Variants in POMT2 observed in about 807,000 individuals in gnomAD.
POMT2 encodes the protein protein O-mannosyl-transferase 2.
A neutral mutation model predicts 100.0 loss-of-function variants in POMT2; 75 were observed. That is an observed-to-expected ratio of 0.75 (90% CI 0.62 to 0.91). The LOEUF is 0.91. Ranked by LOEUF, POMT2 falls within the 40% of genes least tolerant of loss-of-function variation. The pLI, the probability that POMT2 is intolerant of heterozygous loss-of-function variation, is 0.00. For synonymous variants in POMT2, 378 were observed against 374.1 expected (o/e 1.01, Z -0.12); for missense variants, 940 against 955.1 (o/e 0.98, Z 0.21).
At chr14:77,293,835 C>T (rs1415007680) in intron 9 of POMT2, among the ~76,000 whole-genome samples, 1 of 152,212 alleles carries the variant, frequency 6.6e-6, no homozygotes, top group East Asian at 1.9e-4. Flanking sequence ...AGAGTTTGGC[C>T]TTTCTCTCCC....
chr14:77,320,592 G>C lies in POMT2; in HGVS notation c.90C>G (p.Gly30=), dbSNP rs923004188. 2 of 1,582,500 alleles carry C rather than the reference G, an allele frequency of 1.3e-6. No homozygotes were observed. Among genetic ancestry groups the C allele is most frequent in the Non-Finnish European group, 1.7e-6 (2 of 1,171,810 alleles). The change falls in exon 1 of 21, where the codon GGC becomes GGG. Residue 30 remains glycine, a synonymous_variant. Transcript: ENST00000261534. ...CCACAGCCTCAGCGGCCACGTCCCG[G>C]CCTGCGGCCCTAGCAGCCTGGGGGC... ...RCGPQAARAA[G]RDVAAEAVAR...
Position 77,285,487 on chromosome 14 carries a change from G to C in POMT2, c.1478C>G (p.Pro493Arg), listed in dbSNP as rs727503874. 2 of 1,613,982 alleles carry C rather than the reference G, an allele frequency of 1.2e-6. No homozygotes were observed. The highest frequency in any genetic ancestry group is 8.5e-7 in the Non-Finnish European group (1 of 1,179,972). ...CVLGSSGKVL[P>R]KWGWEQLEVT... ...CAAAACCCTAGAGACTTACCACTTG[G>C]GCAGAACCTTTCCCGAGGAGCCCAG... is the stretch of plus-strand genomic sequence containing the variant. Residue 493 changes from proline (P) to arginine (R), a missense_variant, in exon 13 of 21, where the codon CCC (proline) becomes CGC (arginine). Coordinates refer to ENST00000261534, the MANE Select transcript of POMT2 (RefSeq NM_013382.7).
At chr14:77,280,130 C>T (rs1156674834) in intron 16 of POMT2, 50 bp from the exon 17 acceptor site, 2 of 1,613,058 alleles carry the variant, frequency 1.2e-6, no homozygotes, top group Middle Eastern at 1.7e-4. Flanking sequence ...CATCCTCGGC[C>T]ACACCCATTA....
In POMT2 at chr14:77,320,417, T is replaced by A; in HGVS notation, c.248+17A>T. 6.5e-7 allele frequency: 1 copy of A among 1,545,746 alleles called. No homozygotes were observed. ...CGCGGTTGCCATGGTGCCCGCCGAG[T>A]CCCTCCCATCACTCACCAGATGTGC... On this transcript the variant is annotated intron_variant, in intron 1 of 20. Transcript: ENST00000261534.
chr14:77,317,861 T>C (rs1891685992), intron 1 of POMT2, among the ~76,000 whole-genome samples: 1 of 152,254 alleles, frequency 6.6e-6, no homozygotes, highest in South Asian at 2.1e-4. Flanking sequence ...GTTCAGTCAC[T>C]AGATTGTCTT....
chr14:77,292,771 A>G (rs1180062711), intron 9 of POMT2, among the ~76,000 whole-genome samples: 1 of 152,212 alleles, frequency 6.6e-6, no homozygotes, highest in African/African-American at 2.4e-5. Flanking sequence ...AATACTTACC[A>G]TTGTGTTCCA....
rs1446019788 is a variant in POMT2, at chr14:77,304,706, G to T, written c.533C>A (p.Ala178Asp). 6.3e-7 allele frequency: 1 copy of T among 1,589,922 alleles called. No individual in the cohort carries two copies. The highest frequency in any genetic ancestry group is 1.8e-5 in the Admixed American group (1 of 55,626). ...AGACAACTTACCAAAGGTGAGGAGG[G>T]CAGCTGTGAGCAGTGCTGCCGAGAG... ...KSLSAALLTA[A>D]LLTFDTGCLT... The change falls in exon 4 of 21, where the codon GCC becomes GAC. Residue 178 changes from alanine to aspartate, a missense_variant. By Grantham distance (126) the Ala-to-Asp change is moderately radical. Transcript: ENST00000261534.
At chr14:77,300,120 G>C (rs948680787) in intron 6 of POMT2, 1 of 180,664 alleles carries the variant, frequency 5.5e-6, no homozygotes, top group Non-Finnish European at 1.2e-5. Context: ...ATATTCATCT[G>C]TATATTCCAG....
chr14:77,285,904 T>C (rs953869541), intron 12 of POMT2, among the ~76,000 whole-genome samples: 12 of 152,152 alleles, frequency 7.9e-5, no homozygotes, highest in Non-Finnish European at 1.0e-4. Context: ...TTCATAGAAC[T>C]AGAGTTCAAG....
At chr14:77,285,100 A>T in intron 13 of POMT2, 59 bp from the exon 14 acceptor site, 17 of 1,375,296 alleles carry the variant, frequency 1.2e-5, no homozygotes, top group Middle Eastern at 1.8e-4. Context: ...CCAGAGAGTG[A>T]CACTGTCTTC....
intron 15 of POMT2, among the ~76,000 whole-genome samples, chr14:77,283,563 G>A (rs531743063): frequency 7.2e-5 from 11 of 152,304 alleles, no homozygotes; most frequent in South Asian, 2.1e-4. Context: ...AGTGCTTAGC[G>A]TAGTGCCTGG....
intron 9 of POMT2, among the ~76,000 whole-genome samples, chr14:77,295,399 G>GAGGCAGGTGGATCATGAGGTC (rs1426127931): frequency 1.3e-5 from 2 of 152,062 alleles, no homozygotes; most frequent in East Asian, 3.9e-4. Flanking sequence ...TTGGGAGGCC[G>GAGGCAGGTGGATCATGAGGTC]AGGCAGGTGG....
Position 77,301,154 on chromosome 14 carries a change from A to C in POMT2, c.752T>G (p.Leu251Arg). 6.2e-7 allele frequency: 1 copy of C among 1,614,252 alleles called. No homozygotes were observed. The highest frequency in any genetic ancestry group is 8.5e-7 in the Non-Finnish European group (1 of 1,180,046). The change falls in exon 6 of 21, where the codon CTT becomes CGT. Residue 251 changes from leucine (L) to arginine (R), a missense_variant. Coordinates refer to ENST00000261534, the MANE Select transcript of POMT2 (RefSeq NM_013382.7). Reference protein sequence around the residue: ...GVKFVGLFIILQVGLNTIADL... With the variant: ...GVKFVGLFIIRQVGLNTIADL... ...TGCAATGGTGTTCAGCCCCACTTGA[A>C]GGATGATAAAGAGGCCAACAAACTT...
chr14:77,315,875 T>G (rs1891604936), intron 1 of POMT2, among the ~76,000 whole-genome samples: 1 of 152,064 alleles, frequency 6.6e-6, no homozygotes, highest in Non-Finnish European at 1.5e-5. Context: ...TAGCCAGGCG[T>G]GATAGGGGCG....
At chr14:77,309,147 A>C (rs951212236) in intron 2 of POMT2, among the ~76,000 whole-genome samples, 2 of 152,260 alleles carry the variant, frequency 1.3e-5, no homozygotes, top group African/African-American at 4.8e-5. Flanking sequence ...TCATGTGTAC[A>C]TATATAAAAA....
chr14:77,308,662 G>A, intron 2 of POMT2: 1 of 385,020 alleles, frequency 2.6e-6, no homozygotes, highest in Non-Finnish European at 5.1e-6. Context: ...GGCCAACAAA[G>A]TTTTTAAAGT....
At chr14:77,294,359 T>C (rs373888719) in intron 9 of POMT2, among the ~76,000 whole-genome samples, 16 of 152,200 alleles carry the variant, frequency 1.1e-4, no homozygotes, top group African/African-American at 3.6e-4. Flanking sequence ...TCTCACTCTT[T>C]TGCCTGGGCT....
chr14:77,300,555 C>T (rs964300419), intron 6 of POMT2: 1 of 165,738 alleles, frequency 6.0e-6, no homozygotes, highest in Admixed American at 5.7e-5. Context: ...CTCGGTGGCT[C>T]ATGCCTGTAA....
At chr14:77,287,828 T>C (rs1178199911) in intron 11 of POMT2, 1 of 152,172 alleles carries the variant, frequency 6.6e-6, no homozygotes, top group Non-Finnish European at 1.5e-5. Context: ...TAGGATCATG[T>C]TCATTTAAAT....
Sources: allele counts gnomAD v4.1 joint callset (sites outside exome capture counted in the v4.1 genomes callset), GRCh38; gene constraint gnomAD v4.1.1; transcripts MANE v1.5; gene names NCBI Gene and HGNC (gene_info 2026-07-23, HGNC 2026-07-21).